The following SPTBN1 variants were observed in gnomAD, a reference collection of about 807,000 sequenced individuals.
SPTBN1 encodes spectrin beta chain, non-erythrocytic 1.
Under a neutral mutation model 266.4 loss-of-function variants are expected in SPTBN1, and 32 were observed. That is an observed-to-expected ratio of 0.12 (90% CI 0.09 to 0.16). SPTBN1 has a LOEUF of 0.16. Among genes scored for constraint, SPTBN1 ranks in the 10% least tolerant of loss-of-function variants. The pLI, the probability that SPTBN1 is intolerant of heterozygous loss-of-function variation, is 1.00. For missense variants in SPTBN1, 2,296 were observed against 3,067.1 expected (o/e 0.75, Z 5.94); for synonymous variants, 1,336 against 1,162.2 (o/e 1.15, Z -3.04).
At chr2:54,493,704 A>G (rs1218841426) in intron 1 of SPTBN1, among the ~76,000 whole-genome samples, 1 of 152,174 alleles carries the variant, frequency 6.6e-6, no homozygotes, top group Non-Finnish European at 1.5e-5. Flanking sequence ...ACCTGGCCTT[A>G]TTTTTATGTG....
At chr2:54,482,745 C>T (rs1668162632) in intron 1 of SPTBN1, among the ~76,000 whole-genome samples, 1 of 152,160 alleles carries the variant, frequency 6.6e-6, no homozygotes, top group Non-Finnish European at 1.5e-5. Flanking sequence ...CAGACAGTTT[C>T]ATTGGGCAGC....
intron 2 of SPTBN1, among the ~76,000 whole-genome samples, chr2:54,585,005 A>G (rs1185594717): frequency 6.6e-6 from 1 of 152,234 alleles, no homozygotes; most frequent in Non-Finnish European, 1.5e-5. Context: ...ATTCCGTTTT[A>G]TGGGAAGAGA....
intron 2 of SPTBN1, among the ~76,000 whole-genome samples, chr2:54,582,437 G>A (rs1373595002): frequency 2.6e-5 from 4 of 151,846 alleles, no homozygotes; most frequent in Admixed American, 2.6e-4. Context: ...AGTGGCGGGC[G>A]CCTGTAGTCC....
intron 2 of SPTBN1, chr2:54,529,357 A>C (rs975855030): frequency 1.6e-6 from 1 of 616,356 alleles, no homozygotes; most frequent in Non-Finnish European, 3.0e-6. Flanking sequence ...TGGCACCGAA[A>C]GTGAAGAAGG....
intron 3 of SPTBN1, among the ~76,000 whole-genome samples, chr2:54,610,085 T>C (rs955282258): frequency 2.6e-5 from 4 of 152,232 alleles, no homozygotes; most frequent in Non-Finnish European, 5.9e-5. Flanking sequence ...TTTTCCTTCA[T>C]TGATTTTCTT....
At chr2:54,465,668 A>G (rs937939798) in intron 1 of SPTBN1, among the ~76,000 whole-genome samples, 3 of 137,956 alleles carry the variant, frequency 2.2e-5, no homozygotes, top group South Asian at 2.3e-4. Flanking sequence ...ATATATATAT[A>G]TCTCACACAT....
At chr2:54,611,470 C>G (rs1389666968) in intron 3 of SPTBN1, among the ~76,000 whole-genome samples, 1 of 144,376 alleles carries the variant, frequency 6.9e-6, no homozygotes, top group Non-Finnish European at 1.5e-5. Flanking sequence ...TATCTACTCT[C>G]TCTCTATATA....
intron 2 of SPTBN1, among the ~76,000 whole-genome samples, chr2:54,532,572 T>C (rs1254505136): frequency 1.3e-5 from 2 of 152,194 alleles, no homozygotes; most frequent in Non-Finnish European, 2.9e-5. Flanking sequence ...GTTTACAGTT[T>C]GGAAGGAAGC....
intron 8 of SPTBN1, 146 bp from the exon 9 acceptor site, chr2:54,622,154 T>A (rs1678030944): frequency 1.4e-6 from 1 of 722,216 alleles, no homozygotes; most frequent in South Asian, 2.2e-5. Context: ...AAAATGCTTG[T>A]GCCCAGGTAC....
chr2:54,565,133 G>A (rs1426170946), intron 2 of SPTBN1, among the ~76,000 whole-genome samples: 1 of 152,128 alleles, frequency 6.6e-6, no homozygotes, highest in Non-Finnish European at 1.5e-5. Context: ...ACCAATAAGT[G>A]TTTCCAGCTA....
chr2:54,562,772 G>A (rs910380873), intron 2 of SPTBN1, among the ~76,000 whole-genome samples: 1 of 150,216 alleles, frequency 6.7e-6, no homozygotes, highest in Non-Finnish European at 1.5e-5. Flanking sequence ...TGCCCAAACT[G>A]GTCTTGAACT....
At chr2:54,667,091 C>T (rs1371733487) in intron 34 of SPTBN1, among the ~76,000 whole-genome samples, 4 of 152,208 alleles carry the variant, frequency 2.6e-5, no homozygotes, top group Non-Finnish European at 5.9e-5. Context: ...CCTTCCAAGC[C>T]TGGGGACCTC....
chr2:54,496,439 T>TA (rs10623542), intron 1 of SPTBN1, among the ~76,000 whole-genome samples: 9,810 of 126,290 alleles, frequency 0.078, 1,070 homozygotes, highest in African/African-American at 0.24. Flanking sequence ...CTCCGTGTCT[T>TA]AAAAAAAAAA....
intron 1 of SPTBN1, among the ~76,000 whole-genome samples, chr2:54,489,505 A>G (rs1668575884): frequency 6.6e-6 from 1 of 151,626 alleles, no homozygotes; most frequent in African/African-American, 2.4e-5. Flanking sequence ...GTTTGAGACC[A>G]GCCTGGCCAA....
chr2:54,493,412 T>TGGAGGG (rs1553433739), intron 1 of SPTBN1, among the ~76,000 whole-genome samples: 2 of 146,698 alleles, frequency 1.4e-5, no homozygotes, highest in Non-Finnish European at 3.0e-5. Context: ...TTTTCTTTTT[T>TGGAGGG]GGGGGGTTGG....
At position 54,595,537 on chromosome 2, in the gene SPTBN1, G is replaced by T. The variant is rs115994041; in HGVS notation, c.149-3555G>T. On this transcript the variant is annotated intron_variant, in intron 2 of 35. Transcript: ENST00000356805. ...GGCACAGAAGTGCCCACCTCACATC[G>T]CCCAGACCCAGCCCGCCCCAGCTCC... Among the ~76,000 whole-genome samples, 827 of 152,354 alleles carry T rather than the reference G, an allele frequency of 5.4e-3. 6 individuals carry two copies. The highest frequency in any genetic ancestry group is 0.019 in the African/African-American group (792 of 41,588).
intron 1 of SPTBN1, chr2:54,516,192 C>T (rs532246246): frequency 8.5e-5 from 13 of 152,264 alleles, no homozygotes; most frequent in African/African-American, 2.2e-4. Context: ...GGTTCAAGTC[C>T]TCTTGGTTTC....
intron 1 of SPTBN1, among the ~76,000 whole-genome samples, chr2:54,521,213 A>C (rs145742669): frequency 2.0e-5 from 3 of 152,086 alleles, no homozygotes; most frequent in South Asian, 4.1e-4. Flanking sequence ...TGGAGTCTCC[A>C]TGCCATGGGC....
intron 29 of SPTBN1, 158 bp from the exon 30 acceptor site, chr2:54,657,692 T>C (rs1055670957): frequency 2.5e-6 from 2 of 807,454 alleles, no homozygotes; most frequent in Non-Finnish European, 3.8e-6. Context: ...CAAGTGTGGC[T>C]CACATTACAT....
Sources: gnomAD v4.1 joint callset for allele counts (sites outside exome capture counted in the v4.1 genomes callset) on GRCh38, gnomAD v4.1.1 for gene constraint, MANE v1.5 for transcripts, NCBI Gene and HGNC (gene_info 2026-07-23, HGNC 2026-07-21) for gene names.